The following CREB5 variants were observed in gnomAD, a reference collection of about 807,000 sequenced individuals.
CREB5 encodes the protein cAMP responsive element binding protein 5, also known as cyclic AMP-responsive element-binding protein 5.
A neutral mutation model predicts 57.1 loss-of-function variants in CREB5; 19 were observed. The ratio of observed to expected loss-of-function variants is 0.33; its 90% CI spans 0.23 to 0.49. CREB5 has a LOEUF of 0.49. Ranked by LOEUF, CREB5 falls within the 20% of genes least tolerant of loss-of-function variation. The pLI is 0.99. For missense variants in CREB5, 579 were observed against 671.6 expected, an observed-to-expected ratio of 0.86 and a Z score of 1.52; for synonymous variants, 238 against 238.3, an observed-to-expected ratio of 1.00 and a Z score of 0.01.
intron 1 of CREB5, among the ~76,000 whole-genome samples, chr7:28,464,752 C>T (rs1276214881): frequency 6.6e-6 from 1 of 151,282 alleles, no homozygotes; most frequent in East Asian, 1.9e-4. Context: ...AAAATACTAC[C>T]ATGAGGGCTC....
rs374562873 is a variant in CREB5 at position 28,706,735 on chromosome 7, A to C, written c.465-12018A>C. On this transcript the variant is annotated intron_variant, in intron 5 of 10. Transcript: ENST00000357727. The stretch of plus-strand genomic sequence containing the variant: ...AGTGGGAGAACTTGCAAGGTAGCTC[A>C]GGGAAGGTTGCACAAGAGAGAGCAC... Among the ~76,000 whole-genome samples the C allele has an allele frequency of 3.1e-4, 47 of 152,320 alleles. No individual in the cohort carries two copies. The South Asian group carries it at 6.4e-3, about 21-fold the overall frequency.
intron 7 of CREB5, among the ~76,000 whole-genome samples, chr7:28,771,181 T>C (rs897689932): frequency 7.2e-5 from 11 of 152,192 alleles, no homozygotes; most frequent in Non-Finnish European, 1.5e-4. Context: ...AATTTCTTGC[T>C]TTGTTCTGTA....
At chr7:28,383,706 A>G (rs1787015181) in intron 1 of CREB5, among the ~76,000 whole-genome samples, 1 of 152,114 alleles carries the variant, frequency 6.6e-6, no homozygotes, top group Non-Finnish European at 1.5e-5. Context: ...AATCACCCCC[A>G]TGACCCAATC....
At chr7:28,710,742 AATT>A (rs1453596706) in intron 5 of CREB5, among the ~76,000 whole-genome samples, 1 of 152,186 alleles carries the variant, frequency 6.6e-6, no homozygotes, top group African/African-American at 2.4e-5. Flanking sequence ...TTTGTAAATA[AATT>A]ATTATTTAAA....
chr7:28,477,991 G>T (rs1006905969), intron 1 of CREB5, among the ~76,000 whole-genome samples: 2 of 152,050 alleles, frequency 1.3e-5, no homozygotes, highest in African/African-American at 4.8e-5. Context: ...GTGCACACCT[G>T]TGGTGTCCCA....
chr7:28,322,342 G>T (rs1392135315), intron 1 of CREB5, among the ~76,000 whole-genome samples: 1 of 152,124 alleles, frequency 6.6e-6, no homozygotes, highest in Non-Finnish European at 1.5e-5. Context: ...ACTTTGGAAG[G>T]TGAGGGGAAA....
intron 1 of CREB5, among the ~76,000 whole-genome samples, chr7:28,336,692 T>G (rs1785829615): frequency 6.6e-6 from 1 of 152,066 alleles, no homozygotes; most frequent in Non-Finnish European, 1.5e-5. Flanking sequence ...CAAATTCATT[T>G]ATTTCTGCTC....
At chr7:28,742,338 G>A (rs556256937) in intron 7 of CREB5, among the ~76,000 whole-genome samples, 107 of 151,704 alleles carry the variant, frequency 7.1e-4, no homozygotes, top group African/African-American at 2.3e-3. Context: ...AGGCCGAGGC[G>A]GGCAGATCAT....
rs575709432 is a variant in CREB5 at position 28,316,202 on chromosome 7, T to A, written c.-25+16761T>A. 2.0e-5 allele frequency among the ~76,000 whole-genome samples: 3 copies of A among 152,240 alleles called. No homozygotes were observed. In the South Asian group the frequency reaches 6.2e-4, roughly 32 times the overall value. ...GCCTTCAAGTGCTTTCACCCACAAGTATGATATGGTTTGGGCTGGGGGTGG... is the reference window on the plus strand; with the variant it reads ...GCCTTCAAGTGCTTTCACCCACAAGAATGATATGGTTTGGGCTGGGGGTGG... On this transcript the variant is annotated intron_variant, in intron 1 of 9. Transcript: ENST00000396299.
intron 1 of CREB5, among the ~76,000 whole-genome samples, chr7:28,393,555 A>G (rs1183239281): frequency 6.6e-6 from 1 of 152,240 alleles, no homozygotes; most frequent in Non-Finnish European, 1.5e-5. Context: ...TTCTAGTCTG[A>G]CATAAAAAGA....
chr7:28,542,291 C>A (rs934014580), intron 4 of CREB5, among the ~76,000 whole-genome samples: 10 of 152,256 alleles, frequency 6.6e-5, no homozygotes, highest in Non-Finnish European at 1.5e-4. Context: ...GAATCCAGAC[C>A]CTGTGCTCAT....
At chr7:28,372,057 T>C (rs1185291687) in intron 1 of CREB5, among the ~76,000 whole-genome samples, 3 of 151,890 alleles carry the variant, frequency 2.0e-5, no homozygotes, top group African/African-American at 7.3e-5. Flanking sequence ...AAGTCGAAAA[T>C]AAAGATGCTG....
At chr7:28,764,409 A>G (rs897584785) in intron 7 of CREB5, among the ~76,000 whole-genome samples, 3 of 151,976 alleles carry the variant, frequency 2.0e-5, no homozygotes, top group African/African-American at 7.2e-5. Context: ...ACCATTAGCC[A>G]TTTGGGTTTT....
intron 4 of CREB5, among the ~76,000 whole-genome samples, chr7:28,536,745 A>G (rs1308723121): frequency 6.6e-6 from 1 of 152,172 alleles, no homozygotes; most frequent in East Asian, 1.9e-4. Flanking sequence ...CATGTTGTCC[A>G]TCAGTATTGT....
chr7:28,760,509 T>C (rs941262827), intron 7 of CREB5, among the ~76,000 whole-genome samples: 5 of 152,214 alleles, frequency 3.3e-5, no homozygotes, highest in African/African-American at 1.2e-4. Context: ...GTTCATCTGA[T>C]GGGCAGTCTT....
intron 4 of CREB5, among the ~76,000 whole-genome samples, chr7:28,560,943 T>TGCGC (rs377319103): frequency 6.0e-5 from 2 of 33,174 alleles, no homozygotes; most frequent in African/African-American, 1.4e-4. Flanking sequence ...TGTGCGTGCG[T>TGCGC]GTGTGTGCGT....
At chr7:28,679,052 C>CTTTTTTTTTTTTTTTTTTTTTTTT (rs56266854) in intron 5 of CREB5, among the ~76,000 whole-genome samples, 4 of 123,862 alleles carry the variant, frequency 3.2e-5, no homozygotes, top group Admixed American at 8.8e-5. Flanking sequence ...TTTTGTAGTT[C>CTTTTTTTTTTTTTTTTTTTTTTTT]TTTTTTTTTT....
rs534994285 is a variant in CREB5, at chr7:28,385,875, A to C, written c.-25+86434A>C. On this transcript the variant is annotated intron_variant, in intron 1 of 9. Coordinates refer to the CREB5 transcript ENST00000396299. ...TCATTTTTTAGAGTGCTGTGGCTTC[A>C]AGGTCACAGCCTGGGAGTGAACCCC... Among the ~76,000 whole-genome samples, 197 of 152,236 alleles carry C rather than the reference A, an allele frequency of 1.3e-3. 2 individuals are homozygous for C. Among genetic ancestry groups the C allele is most frequent in the Admixed American group, 3.8e-3 (58 of 15,294 alleles).
intron 1 of CREB5, among the ~76,000 whole-genome samples, chr7:28,376,293 A>T: frequency 7.5e-6 from 1 of 133,478 alleles, no homozygotes; most frequent in Non-Finnish European, 1.6e-5. Flanking sequence ...TTTTTTTGAG[A>T]CGGAGTCTTG....
Sources: gnomAD v4.1 joint callset for allele counts (sites outside exome capture counted in the v4.1 genomes callset) on GRCh38, gnomAD v4.1.1 for gene constraint, MANE v1.5 for transcripts, NCBI Gene and HGNC (gene_info 2026-07-23, HGNC 2026-07-21) for gene names.